The following RFXAP variants were observed in gnomAD, a reference collection of about 807,000 sequenced individuals.
The protein encoded by RFXAP is regulatory factor X associated protein.
In RFXAP, 21 loss-of-function variants were observed where a neutral mutation model predicts 25.7. The ratio of observed to expected loss-of-function variants is 0.82; its 90% CI spans 0.58 to 1.18. The LOEUF (loss-of-function observed/expected upper bound fraction) is 1.18. RFXAP is among the 50% of genes most tolerant of loss of function. The probability of loss-of-function intolerance (pLI) is 0.00; values close to 1 mark genes in which losing one functional copy is unlikely to be tolerated. For synonymous variants in RFXAP, 161 were observed against 152.2 expected, an observed-to-expected ratio of 1.06 and a Z score of -0.43; for missense variants, 333 against 363.0, an observed-to-expected ratio of 0.92 and a Z score of 0.67.
In RFXAP at chr13:36,819,961, T is replaced by C; in HGVS notation, c.600+4T>C. 3 of 1,613,574 alleles carry C rather than the reference T, an allele frequency of 1.9e-6. No homozygotes were observed. The highest frequency in any genetic ancestry group is 2.5e-6 in the Non-Finnish European group (3 of 1,179,852). On this transcript the variant is annotated splice_donor_region_variant and intron_variant, in intron 1 of 2. Coordinates refer to ENST00000255476, the MANE Select transcript of RFXAP (RefSeq NM_000538.4). ...CGCGGGAAACGTCAAACTCGAGGTA[T>C]CAGACTTAGCTGAGGCCTGGGGATG... is the stretch of plus-strand genomic sequence containing the variant.
Position 36,819,782 on chromosome 13 carries a change from C to T in RFXAP, c.425C>T (p.Thr142Ile), listed in dbSNP as rs748287920. 6 of 1,573,346 alleles carry T rather than the reference C, an allele frequency of 3.8e-6. No individual in the cohort carries two copies. Among genetic ancestry groups the T allele is most frequent in the African/African-American group, 2.7e-5 (2 of 73,962 alleles). Residue 142 changes from threonine (T) to isoleucine (I), a missense_variant, in exon 1 of 3, where the codon ACC (threonine) becomes ATC (isoleucine). Transcript: ENST00000255476. ...SGGGSMSKTC[T>I]YEGCSETTSQ... is the part of the protein sequence containing the mutation. ...GGGGGCAGCATGAGCAAGACCTGCA[C>T]CTACGAAGGCTGCAGCGAGACCACG...
chr13:36,827,811 T>A lies in RFXAP; in HGVS notation c.*58T>A. 1 of 1,328,580 alleles carries A rather than the reference T, an allele frequency of 7.5e-7. No homozygotes were observed. Among genetic ancestry groups the A allele is most frequent in the South Asian group, 1.2e-5 (1 of 83,518 alleles). The allele number at this position is 1,328,580 out of a possible 1,614,324, so 82.3% of individuals were successfully genotyped here. Reference sequence around the variant, plus strand: ...TATCTTATTGTAATAGATGAGCATATTTTTTTACCAGACATAAATGGGGTA... The same window carrying A: ...TATCTTATTGTAATAGATGAGCATAATTTTTTACCAGACATAAATGGGGTA... On this transcript the variant is annotated 3_prime_UTR_variant, in exon 3 of 3. Transcript: ENST00000255476.
At position 36,828,496 on chromosome 13, in the gene RFXAP, T is replaced by C. The variant is rs1054357393; in HGVS notation, c.*743T>C. The C allele has an allele frequency of 2.0e-5, 3 of 152,330 alleles. No homozygotes were observed. Among genetic ancestry groups the C allele is most frequent in the Admixed American group, 2.0e-4 (3 of 15,282 alleles). 9.4% of individuals were successfully genotyped at this position (152,330 alleles called of 1,614,324 possible). ...GCACACTGGGATGTGTCTCCTACAGTTGGCTTCTCTCTTTGATGTTACCTG... is the reference window on the plus strand; with the variant it reads ...GCACACTGGGATGTGTCTCCTACAGCTGGCTTCTCTCTTTGATGTTACCTG... On this transcript the variant is annotated 3_prime_UTR_variant, in exon 3 of 3. Transcript: ENST00000255476.
At chr13:36,824,355 T>C (rs997131795) in intron 1 of RFXAP, among the ~76,000 whole-genome samples, 1 of 152,182 alleles carries the variant, frequency 6.6e-6, no homozygotes, top group African/African-American at 2.4e-5. Context: ...AGTTTTTATA[T>C]GTTGAGGCCT....
chr13:36,822,111 CAG>C (rs1276545627), intron 1 of RFXAP, among the ~76,000 whole-genome samples: 1 of 150,416 alleles, frequency 6.6e-6, no homozygotes, highest in African/African-American at 2.5e-5. Context: ...TTTTTTGAGA[CAG>C]AGTCTTACTC....
At chr13:36,826,416 A>C (rs1454112196) in intron 2 of RFXAP, among the ~76,000 whole-genome samples, 2 of 151,790 alleles carry the variant, frequency 1.3e-5, no homozygotes, top group African/African-American at 2.4e-5. Flanking sequence ...ACGATTACGC[A>C]CAATGATGCA....
At chr13:36,824,601 A>G (rs527504157) in intron 1 of RFXAP, among the ~76,000 whole-genome samples, 1 of 152,138 alleles carries the variant, frequency 6.6e-6, no homozygotes, top group South Asian at 2.1e-4. Context: ...AGAATTTTGG[A>G]TGTGGTATTG....
At chr13:36,823,893 C>G (rs999014506) in intron 1 of RFXAP, among the ~76,000 whole-genome samples, 3 of 152,072 alleles carry the variant, frequency 2.0e-5, no homozygotes, top group African/African-American at 7.2e-5. Context: ...TGGCATGATT[C>G]TGAGGTAACT....
rs774773865 is a variant in RFXAP at position 36,819,481 on chromosome 13, T to C, written c.124T>C (p.Ser42Pro). 6.5e-7 allele frequency: 1 copy of C among 1,527,946 alleles called. No individual in the cohort carries two copies. Among genetic ancestry groups the C allele is most frequent in the Non-Finnish European group, 8.8e-7 (1 of 1,136,986 alleles). 94.6% of individuals were successfully genotyped at this position (1,527,946 alleles called of 1,614,324 possible). A position where few individuals can be genotyped will look rare whatever the true frequency, so the allele number is the denominator to read the frequency against. ...LAPASVAAAA[S>P]QFTLLVMQPC... The stretch of plus-strand genomic sequence containing the variant: ...GCCAGCCTCGGTGGCGGCCGCGGCC[T>C]CTCAATTCACCCTGCTAGTGATGCA... Residue 42 changes from serine (S) to proline (P), a missense_variant, in exon 1 of 3, where the codon TCT (serine) becomes CCT (proline). Physicochemically the swap from Ser to Pro is moderately conservative, Grantham distance 74. Coordinates refer to ENST00000255476, the MANE Select transcript of RFXAP (RefSeq NM_000538.4).
At chr13:36,824,284 G>A (rs1391856544) in intron 1 of RFXAP, among the ~76,000 whole-genome samples, 2 of 152,068 alleles carry the variant, frequency 1.3e-5, no homozygotes, top group Non-Finnish European at 2.9e-5. Flanking sequence ...TCAACTTGGG[G>A]GTTGCTGGAG....
At chr13:36,826,900 AT>A (rs1566320918) in intron 2 of RFXAP, among the ~76,000 whole-genome samples, 1 of 152,112 alleles carries the variant, frequency 6.6e-6, no homozygotes, top group African/African-American at 2.4e-5. Context: ...CTGTGGCAGG[AT>A]GATTGCTTGA....
Position 36,827,955 on chromosome 13 carries a change from C to A in RFXAP, c.*202C>A, listed in dbSNP as rs996503565. On this transcript the variant is annotated 3_prime_UTR_variant, in exon 3 of 3. Transcript: ENST00000255476. ...CAGATTACTGTGAGTTTGAAGAAGTCAGCTTATCTTTCCAAATAACATTTA... is the reference window on the plus strand; with the variant it reads ...CAGATTACTGTGAGTTTGAAGAAGTAAGCTTATCTTTCCAAATAACATTTA... 1.8e-6 allele frequency: 1 copy of A among 557,414 alleles called. No individual in the cohort carries two copies. Among genetic ancestry groups the A allele is most frequent in the African/African-American group, 1.9e-5 (1 of 52,744 alleles). The allele number at this position is 557,414 out of a possible 1,614,324, so 34.5% of individuals were successfully genotyped here.
chr13:36,824,535 T>C (rs555374188), intron 1 of RFXAP, among the ~76,000 whole-genome samples: 11 of 152,164 alleles, frequency 7.2e-5, no homozygotes, highest in Non-Finnish European at 1.2e-4. Context: ...GTTAAATTCA[T>C]GTAAGGTATG....
chr13:36,823,872 G>A (rs552026288), intron 1 of RFXAP, among the ~76,000 whole-genome samples: 52 of 152,262 alleles, frequency 3.4e-4, no homozygotes, highest in African/African-American at 1.1e-3. Context: ...AAGAGAAGCA[G>A]TAGACTTATA....
Position 36,819,618 on chromosome 13 carries a change from G to A in RFXAP, c.261G>A (p.Glu87=), listed in dbSNP as rs2057954887. ...GAGDGEEEAG[E]DEADLLDTSD... ...GGGATGGCGAAGAGGAGGCTGGGGA[G>A]GACGAGGCGGACCTGTTAGACACTT... Residue 87 remains glutamate (E), a synonymous_variant, in exon 1 of 3, where the codon GAG becomes GAA. Coordinates refer to ENST00000255476, the MANE Select transcript of RFXAP (RefSeq NM_000538.4). 2 of 1,541,156 alleles carry A rather than the reference G, an allele frequency of 1.3e-6. No individual in the cohort carries two copies. Among genetic ancestry groups the A allele is most frequent in the Non-Finnish European group, 1.8e-6 (2 of 1,140,110 alleles).
intron 1 of RFXAP, among the ~76,000 whole-genome samples, chr13:36,824,818 G>T (rs781140360): frequency 2.6e-5 from 4 of 152,130 alleles, no homozygotes; most frequent in Non-Finnish European, 5.9e-5. Context: ...CAGTTGGCAG[G>T]AGACTATTTA....
At chr13:36,822,417 A>G (rs891207288) in intron 1 of RFXAP, among the ~76,000 whole-genome samples, 1 of 151,366 alleles carries the variant, frequency 6.6e-6, no homozygotes. Context: ...TAGTTAACCT[A>G]TGGCTGCTTA....
intron 1 of RFXAP, among the ~76,000 whole-genome samples, chr13:36,820,702 T>C (rs2057959188): frequency 6.6e-6 from 1 of 152,236 alleles, no homozygotes; most frequent in African/African-American, 2.4e-5. Context: ...CAAAAAACTT[T>C]TGGATTGTTT....
At chr13:36,820,445 C>G (rs2057958270) in intron 1 of RFXAP, among the ~76,000 whole-genome samples, 1 of 152,146 alleles carries the variant, frequency 6.6e-6, no homozygotes, top group Non-Finnish European at 1.5e-5. Flanking sequence ...AACCCTCTTC[C>G]TAGTACCGTA....
Sources: gnomAD v4.1 joint callset for allele counts (sites outside exome capture counted in the v4.1 genomes callset) on GRCh38, gnomAD v4.1.1 for gene constraint, MANE v1.5 for transcripts, NCBI Gene and HGNC (gene_info 2026-07-23, HGNC 2026-07-21) for gene names.